Variants in SAP130 observed in about 807,000 individuals in gnomAD.
SAP130 encodes the protein Sin3A associated protein 130.
A neutral mutation model predicts 103.2 loss-of-function variants in SAP130; 16 were observed. The observed-to-expected ratio is 0.16, with a 90% confidence interval of 0.10 to 0.24. SAP130 has a LOEUF of 0.24. Among genes scored for constraint, SAP130 ranks in the 10% least tolerant of loss-of-function variants. SAP130 has a pLI of 1.00. For missense variants in SAP130, 990 were observed against 1,359.7 expected, an observed-to-expected ratio of 0.73 and a Z score of 4.28; for synonymous variants, 477 against 497.0, an observed-to-expected ratio of 0.96 and a Z score of 0.53.
chr2:127,951,676 A>G (rs1260313002), intron 16 of SAP130, among the ~76,000 whole-genome samples: 1 of 152,152 alleles, frequency 6.6e-6, no homozygotes, highest in Non-Finnish European at 1.5e-5. Flanking sequence ...ATTTAGCAAA[A>G]GGCCAAGAGG....
In SAP130 at chr2:128,017,790, T is replaced by A. The variant is rs1481744366; in HGVS notation, c.238A>T (p.Met80Leu). 6.2e-7 allele frequency: 1 copy of A among 1,614,206 alleles called. No individual in the cohort carries two copies. Among genetic ancestry groups the A allele is most frequent in the Non-Finnish European group, 8.5e-7 (1 of 1,180,028 alleles). ...VVVRPYPQVQMLSTHHAVASA... is the reference protein window; with the variant it reads ...VVVRPYPQVQLLSTHHAVASA... ...GCGACAGCATGGTGTGTCGACAACA[T>A]CTGCACCTGTGGATAGGGCCTTACC... The change falls in exon 3 of 21, where the codon ATG (methionine) becomes TTG (leucine). Residue 80 changes from methionine to leucine, a missense_variant. By Grantham distance (15) the Met-to-Leu change is conservative. This residue lies in a region of SAP130 where 167 missense variants were observed against 187.4 expected (regional missense o/e 0.89). Coordinates refer to ENST00000643581, the MANE Select transcript of SAP130 (RefSeq NM_001330301.2).
At chr2:127,968,062 T>C (rs1230641415) in intron 15 of SAP130, among the ~76,000 whole-genome samples, 1 of 152,058 alleles carries the variant, frequency 6.6e-6, no homozygotes, top group Non-Finnish European at 1.5e-5. Flanking sequence ...TGCAGAACAC[T>C]TCCTTAAACT....
At chr2:127,976,781 G>A (rs1357915240) in intron 15 of SAP130, among the ~76,000 whole-genome samples, 2 of 152,116 alleles carry the variant, frequency 1.3e-5, no homozygotes, top group South Asian at 2.1e-4. Context: ...GTGGTAGCAC[G>A]CTCCTGTAGT....
chr2:128,014,967 C>T, intron 4 of SAP130, 53 bp from the exon 5 acceptor site: 3 of 1,480,204 alleles, frequency 2.0e-6, no homozygotes, highest in South Asian at 1.2e-5. Flanking sequence ...TTAGCCATTG[C>T]CTCTAGGAAG....
chr2:128,018,796 C>CA (rs148929300), intron 2 of SAP130, among the ~76,000 whole-genome samples: 11,298 of 97,982 alleles, frequency 0.12, 515 homozygotes, highest in Middle Eastern at 0.25. Flanking sequence ...GACTTTGTCT[C>CA]AAAAAAAAAA....
chr2:127,980,067 C>CG (rs1339439913), intron 14 of SAP130, among the ~76,000 whole-genome samples: 1 of 151,692 alleles, frequency 6.6e-6, no homozygotes, highest in Non-Finnish European at 1.5e-5. Context: ...TTACTAGAGA[C>CG]GGGGTTTCAC....
Position 127,955,090 on chromosome 2 carries a change from G to A in SAP130, c.2318C>T (p.Ser773Leu), listed in dbSNP as rs1174263715. Residue 773 changes from serine to leucine, a missense_variant, in exon 16 of 21, where the codon TCA becomes TTA. Physicochemically the swap from Ser to Leu is moderately radical, Grantham distance 145. Around this residue, in one of 6 missense-constraint regions of SAP130, gnomAD observed 349 missense variants for 384.1 expected, o/e 0.91. Coordinates refer to ENST00000643581, the MANE Select transcript of SAP130 (RefSeq NM_001330301.2). This position sits in a 1 kb window ranked among gnomAD's most constrained non-coding sequence, Gnocchi z 4.9. ...ITTIAAAPPP[S>L]VTVGGSLSSV... is the part of the protein sequence containing the mutation. ...GGAAAGACTGCCACCCACAGTGACT[G>A]ATGGAGGTGGTGCAGCTGCAATGGT... The A allele has an allele frequency of 1.2e-6, 2 of 1,614,182 alleles. No individual in the cohort carries two copies. Among genetic ancestry groups the A allele is most frequent in the Non-Finnish European group, 1.7e-6 (2 of 1,180,014 alleles).
intron 14 of SAP130, among the ~76,000 whole-genome samples, chr2:127,984,445 T>C (rs1450874173): frequency 1.3e-5 from 2 of 152,222 alleles, no homozygotes; most frequent in East Asian, 1.9e-4. Flanking sequence ...GGTTGTATGT[T>C]CATGATTAAG....
intron 4 of SAP130, among the ~76,000 whole-genome samples, chr2:128,015,223 T>G (rs1391046888): frequency 6.6e-6 from 1 of 152,262 alleles, no homozygotes; most frequent in Non-Finnish European, 1.5e-5. Flanking sequence ...TTGTTTTCCC[T>G]GTTCTGGCCA....
At chr2:128,017,025 T>C (rs747672795) in intron 3 of SAP130, among the ~76,000 whole-genome samples, 11 of 152,204 alleles carry the variant, frequency 7.2e-5, no homozygotes, top group Admixed American at 2.6e-4. Context: ...TATCTGAACT[T>C]ATAACATTAC....
At chr2:127,994,843 T>C (rs924646695) in intron 11 of SAP130, among the ~76,000 whole-genome samples, 1 of 152,196 alleles carries the variant, frequency 6.6e-6, no homozygotes, top group East Asian at 1.9e-4. Context: ...AAAATAAACA[T>C]GTACATAGGA....
At chr2:128,006,040 A>C (rs1317667506) in intron 7 of SAP130, among the ~76,000 whole-genome samples, 5 of 152,210 alleles carry the variant, frequency 3.3e-5, no homozygotes, top group African/African-American at 4.8e-5. Context: ...ATTCAACGAA[A>C]AAGAATCAGG....
At chr2:127,952,033 T>TCCCA (rs1679527441) in intron 16 of SAP130, among the ~76,000 whole-genome samples, 1 of 152,186 alleles carries the variant, frequency 6.6e-6, no homozygotes, top group African/African-American at 2.4e-5. Flanking sequence ...TACACACAAA[T>TCCCA]CCCACCCACT....
chr2:127,947,755 T>TGTGTCTGTGTGTGTGA (rs1491441193), intron 18 of SAP130, among the ~76,000 whole-genome samples: 10 of 122,164 alleles, frequency 8.2e-5, no homozygotes, highest in Non-Finnish European at 1.2e-4. Flanking sequence ...AATTTTGTAT[T>TGTGTCTGTGTGTGTGA]GTGTGTGTCT....
intron 19 of SAP130, among the ~76,000 whole-genome samples, chr2:127,945,221 C>T (rs1678994559): frequency 6.6e-6 from 1 of 152,216 alleles, no homozygotes; most frequent in Non-Finnish European, 1.5e-5. Context: ...TTAGGTCTTA[C>T]ACCACAGTTG....
At chr2:127,964,769 G>C (rs1373881849) in intron 15 of SAP130, among the ~76,000 whole-genome samples, 1 of 152,056 alleles carries the variant, frequency 6.6e-6, no homozygotes, top group Non-Finnish European at 1.5e-5. Flanking sequence ...GGCTGAGGCG[G>C]GTGGATCACC....
intron 15 of SAP130, among the ~76,000 whole-genome samples, chr2:127,959,623 A>G (rs1680096416): frequency 6.6e-6 from 1 of 152,242 alleles, no homozygotes; most frequent in South Asian, 2.1e-4. Context: ...ATCCAGTCTT[A>G]TAACTTAACA....
At chr2:127,975,028 G>C (rs140788207) in intron 15 of SAP130, among the ~76,000 whole-genome samples, 45 of 152,234 alleles carry the variant, frequency 3.0e-4, no homozygotes, top group Non-Finnish European at 5.1e-4. Context: ...AAATTGCCTA[G>C]GGATGTATCT....
At chr2:127,962,247 G>A (rs1680307423) in intron 15 of SAP130, among the ~76,000 whole-genome samples, 1 of 152,148 alleles carries the variant, frequency 6.6e-6, no homozygotes, top group Non-Finnish European at 1.5e-5. Context: ...TGTGCTCTCA[G>A]TTGCTCATCT....
Sources: gnomAD v4.1 joint callset for allele counts (sites outside exome capture counted in the v4.1 genomes callset) on GRCh38, gnomAD v4.1.1 for gene constraint, gnomAD v4.1.1 regional missense constraint, Gnocchi (gnomAD v3.1) non-coding constraint, MANE v1.5 for transcripts, NCBI Gene and HGNC (gene_info 2026-07-23, HGNC 2026-07-21) for gene names.